Variants in CTNNA2 observed in about 807,000 individuals in gnomAD.
CTNNA2 encodes the protein catenin alpha 2.
CTNNA2 carries 42 observed loss-of-function variants against 101.0 expected under a neutral mutation model. The ratio of observed to expected loss-of-function variants is 0.42; its 90% CI spans 0.32 to 0.54. The LOEUF is 0.54. CTNNA2 is among the 20% of genes least tolerant of loss of function. The pLI, the probability that CTNNA2 is intolerant of heterozygous loss-of-function variation, is 0.14. For synonymous variants in CTNNA2, 450 were observed against 456.4 expected, an observed-to-expected ratio of 0.99 and a Z score of 0.18; for missense variants, 871 against 1,223.1, an observed-to-expected ratio of 0.71 and a Z score of 4.29.
In CTNNA2 at chr2:80,347,854, T is replaced by TTTC. The variant is rs1242336723; in HGVS notation, c.1057-45357_1057-45356insTTC. Among the ~76,000 whole-genome samples, 17 of 151,612 alleles carry TTTC rather than the reference T, an allele frequency of 1.1e-4. No homozygotes were observed. The East Asian group carries it at 2.9e-3, about 26-fold the overall frequency. On this transcript the variant is annotated intron_variant, in intron 7 of 18. Transcript: ENST00000402739. ...TTTTCTTTTCTTTTCTTTTTTTTTT[T>TTTC]CCAGAAGGGTTGTTTAAAGCCCTGT... is the stretch of plus-strand genomic sequence containing the variant.
At chr2:79,650,884 G>T (rs1681195598) in intron 1 of CTNNA2, among the ~76,000 whole-genome samples, 1 of 149,614 alleles carries the variant, frequency 6.7e-6, no homozygotes. Flanking sequence ...AGAATATGCG[G>T]TGTGTGGTTT....
At chr2:79,606,993 A>T (rs955127101) in intron 1 of CTNNA2, among the ~76,000 whole-genome samples, 1 of 152,224 alleles carries the variant, frequency 6.6e-6, no homozygotes, top group African/African-American at 2.4e-5. Context: ...ATTAAAGAGC[A>T]GAGAGTATCA....
At chr2:79,868,433 A>T (rs1251578787) in intron 4 of CTNNA2, among the ~76,000 whole-genome samples, 1 of 152,216 alleles carries the variant, frequency 6.6e-6, no homozygotes, top group Non-Finnish European at 1.5e-5. Context: ...TCTGGGACAA[A>T]AGGCTTGATG....
intron 7 of CTNNA2, among the ~76,000 whole-genome samples, chr2:79,986,414 T>C (rs1897776): frequency 0.2 from 30,512 of 152,086 alleles, 3,916 homozygotes; most frequent in African/African-American, 0.32. Context: ...TGCTTTTTCT[T>C]TGGTCCTCTG....
intron 3 of CTNNA2, among the ~76,000 whole-genome samples, chr2:79,326,695 C>A (rs1011114978): frequency 2.6e-4 from 39 of 152,274 alleles, no homozygotes; most frequent in African/African-American, 9.4e-4. Context: ...AGCTTTAATA[C>A]AGCTCAGTTA....
chr2:79,264,702 C>T (rs1674967666), intron 2 of CTNNA2, among the ~76,000 whole-genome samples: 2 of 150,798 alleles, frequency 1.3e-5, no homozygotes, highest in Admixed American at 6.6e-5. Context: ...AAGGTACCCT[C>T]GTCCTCATAC....
chr2:80,077,268 A>T (rs902366225), intron 7 of CTNNA2, among the ~76,000 whole-genome samples: 1 of 152,242 alleles, frequency 6.6e-6, no homozygotes, highest in African/African-American at 2.4e-5. Context: ...GAAAGTAAAT[A>T]ACACTTTAAG....
chr2:80,013,736 C>G (rs1693944190), intron 7 of CTNNA2, among the ~76,000 whole-genome samples: 1 of 152,200 alleles, frequency 6.6e-6, no homozygotes, highest in African/African-American at 2.4e-5. Flanking sequence ...CATGCTCTCC[C>G]ACATTACGTG....
rs1435519564 is a variant in CTNNA2, at chr2:80,075,717, AT to A, written c.1056+165921del. Among the ~76,000 whole-genome samples the A allele has an allele frequency of 5.8e-5, 5 of 86,302 alleles. No homozygotes were observed. In the East Asian group the frequency reaches 1.9e-3, roughly 32 times the overall value. 56.6% of individuals were successfully genotyped at this position (86,302 alleles called of 152,430 possible). A position where few individuals can be genotyped will look rare whatever the true frequency, so the allele number is the denominator to read the frequency against. On this transcript the variant is annotated intron_variant, in intron 7 of 18. Transcript: ENST00000402739. The stretch of plus-strand genomic sequence containing the variant: ...TTATACTTGTATAAATATTATAAAA[AT>A]AATATTTATACTTGTATAAATATTA...
intron 6 of CTNNA2, among the ~76,000 whole-genome samples, chr2:79,880,466 A>C (rs1300791515): frequency 6.6e-6 from 1 of 152,068 alleles, no homozygotes; most frequent in African/African-American, 2.4e-5. Flanking sequence ...TTTGGTTGGT[A>C]GGCTATTAAT....
At position 80,443,151 on chromosome 2, in the gene CTNNA2, G is replaced by A. The variant is rs148951899; in HGVS notation, c.1290+23550G>A. The stretch of plus-strand genomic sequence containing the variant: ...TCACTTAATCGTGCCTTGGGCCTGG[G>A]TGAACACAAATGCTGTTCTTTAGCA... On this transcript the variant is annotated intron_variant, in intron 9 of 18. Coordinates refer to ENST00000402739, the MANE Select transcript of CTNNA2 (RefSeq NM_001282597.3). Among the ~76,000 whole-genome samples the A allele has an allele frequency of 1.4e-4, 22 of 152,300 alleles. 1 individual carries two copies. In the East Asian group the frequency reaches 4.1e-3, roughly 28 times the overall value.
At chr2:79,696,717 A>G (rs1684675920) in intron 2 of CTNNA2, among the ~76,000 whole-genome samples, 1 of 151,990 alleles carries the variant, frequency 6.6e-6, no homozygotes, top group South Asian at 2.1e-4. Context: ...AATGAAAATG[A>G]GATCAGACCC....
chr2:79,607,292 CAG>C (rs1430621456), intron 1 of CTNNA2, among the ~76,000 whole-genome samples: 1 of 152,132 alleles, frequency 6.6e-6, no homozygotes, highest in East Asian at 1.9e-4. Context: ...CAAGGAGAAA[CAG>C]AAAAATTTAC....
intron 7 of CTNNA2, among the ~76,000 whole-genome samples, chr2:80,375,713 C>T (rs572194439): frequency 7.3e-4 from 111 of 151,818 alleles, no homozygotes; most frequent in African/African-American, 1.6e-3. Context: ...TACAGGCGCC[C>T]GCCACAATGC....
intron 7 of CTNNA2, among the ~76,000 whole-genome samples, chr2:80,025,808 TC>T (rs1694891617): frequency 6.6e-6 from 1 of 152,202 alleles, no homozygotes; most frequent in South Asian, 2.1e-4. Flanking sequence ...CACGTACTTG[TC>T]CTCCATTCAG....
intron 1 of CTNNA2, among the ~76,000 whole-genome samples, chr2:79,590,787 T>C (rs1676798529): frequency 6.6e-6 from 1 of 152,236 alleles, no homozygotes; most frequent in South Asian, 2.1e-4. Flanking sequence ...TTCCACAACT[T>C]ATCTGATGAG....
At chr2:79,545,163 G>C (rs1297599416) in intron 1 of CTNNA2, among the ~76,000 whole-genome samples, 2 of 152,102 alleles carry the variant, frequency 1.3e-5, no homozygotes, top group African/African-American at 4.8e-5. Context: ...ATTGGACATA[G>C]TGCAATACAT....
chr2:80,280,149 G>C (rs184407272), intron 7 of CTNNA2, among the ~76,000 whole-genome samples: 13 of 151,072 alleles, frequency 8.6e-5, no homozygotes, highest in Admixed American at 4.6e-4. Flanking sequence ...TTGTGTGCTG[G>C]TTGCAGCACT....
chr2:80,163,436 T>A (rs935069979), intron 7 of CTNNA2, among the ~76,000 whole-genome samples: 1 of 152,146 alleles, frequency 6.6e-6, no homozygotes, highest in Non-Finnish European at 1.5e-5. Context: ...TGCTACTGAT[T>A]TCAAGTTTGA....
Sources: gnomAD v4.1 joint callset for allele counts (sites outside exome capture counted in the v4.1 genomes callset) on GRCh38, gnomAD v4.1.1 for gene constraint, MANE v1.5 for transcripts, NCBI Gene and HGNC (gene_info 2026-07-23, HGNC 2026-07-21) for gene names.